The following SOX5 variants were observed in gnomAD, a reference collection of about 807,000 sequenced individuals.
SOX5 encodes the protein transcription factor SOX-5.
In SOX5, 9 loss-of-function variants were observed where a neutral mutation model predicts 92.0. The ratio of observed to expected loss-of-function variants is 0.10; its 90% confidence interval spans 0.06 to 0.17. The LOEUF is 0.17. SOX5 is among the 10% of genes least tolerant of loss of function. SOX5 has a pLI of 1.00. For synonymous variants in SOX5, 344 were observed against 336.3 expected (o/e 1.02, Z -0.25); for missense variants, 642 against 944.5 (o/e 0.68, Z 4.20).
intron 1 of SOX5, among the ~76,000 whole-genome samples, chr12:24,522,518 A>C (rs938007771): frequency 2.0e-5 from 3 of 152,160 alleles, no homozygotes; most frequent in African/African-American, 7.2e-5. Context: ...AGATACAAAA[A>C]TCCTGAGTAA....
At chr12:23,592,441 A>G (rs979081030) in intron 9 of SOX5, among the ~76,000 whole-genome samples, 1 of 152,188 alleles carries the variant, frequency 6.6e-6, no homozygotes, top group Non-Finnish European at 1.5e-5. Context: ...GGATATTGCA[A>G]TTTAAGTCCT....
intron 1 of SOX5, among the ~76,000 whole-genome samples, chr12:23,913,803 C>T (rs963073406): frequency 4.0e-5 from 6 of 151,050 alleles, no homozygotes; most frequent in African/African-American, 1.2e-4. Context: ...CTAATATTTA[C>T]GTAGAACAGA....
chr12:23,985,982 C>A (rs1292824685), intron 4 of SOX5, among the ~76,000 whole-genome samples: 3 of 152,080 alleles, frequency 2.0e-5, no homozygotes, highest in Non-Finnish European at 4.4e-5. Context: ...AACTCTCTGC[C>A]TTCTTCTTTC....
chr12:23,721,179 A>T (rs1246868697), intron 6 of SOX5, among the ~76,000 whole-genome samples: 1 of 152,030 alleles, frequency 6.6e-6, no homozygotes, highest in Middle Eastern at 3.2e-3. Context: ...TCCACCTCCC[A>T]GGTTCAAGCG....
In SOX5 at chr12:24,074,379, G is replaced by GA. The variant is rs544583450; in HGVS notation, c.-2+138963dup. Among the ~76,000 whole-genome samples, 73 of 143,790 alleles carry GA rather than the reference G, an allele frequency of 5.1e-4. 1 individual carries two copies. Among genetic ancestry groups the GA allele is most frequent in the East Asian group, 8.1e-4 (4 of 4,960 alleles). 94.3% of individuals were successfully genotyped at this position (143,790 alleles called of 152,430 possible). A position where few individuals can be genotyped will look rare whatever the true frequency, so the allele number is the denominator to read the frequency against. ...GAATGATTTCATAATCTTAACTCAGGAAAAAAAAAACAGCTACCACCTGCA... is the reference window on the plus strand; with the variant it reads ...GAATGATTTCATAATCTTAACTCAGGAAAAAAAAAAACAGCTACCACCTGCA... On this transcript the variant is annotated intron_variant, in intron 4 of 4. Coordinates refer to the SOX5 transcript ENST00000446891.
At chr12:23,876,582 G>T (rs1475743887) in intron 2 of SOX5, among the ~76,000 whole-genome samples, 1 of 152,106 alleles carries the variant, frequency 6.6e-6, no homozygotes, top group Non-Finnish European at 1.5e-5. Flanking sequence ...ATTCCTCAAG[G>T]ATCTAGAACC....
At chr12:23,601,995 G>A (rs1258742086) in intron 9 of SOX5, among the ~76,000 whole-genome samples, 1 of 152,062 alleles carries the variant, frequency 6.6e-6, no homozygotes, top group Admixed American at 6.6e-5. Context: ...AAACCTTTGT[G>A]TATTTTACAA....
chr12:23,713,840 C>G (rs1029868258), intron 6 of SOX5, among the ~76,000 whole-genome samples: 3 of 150,050 alleles, frequency 2.0e-5, no homozygotes, highest in African/African-American at 7.3e-5. Context: ...CACTGTAATC[C>G]CAGCACTTTG....
chr12:24,388,625 T>G (rs1476438400), intron 1 of SOX5, among the ~76,000 whole-genome samples: 1 of 152,142 alleles, frequency 6.6e-6, no homozygotes. Context: ...GATGTTTATA[T>G]AATACAATTC....
intron 2 of SOX5, among the ~76,000 whole-genome samples, chr12:23,868,321 A>G (rs992068091): frequency 6.6e-6 from 1 of 152,098 alleles, no homozygotes; most frequent in Non-Finnish European, 1.5e-5. Context: ...TTATTTATCT[A>G]ATTTTTCCAC....
chr12:24,535,668 G>A (rs975543115), intron 1 of SOX5, among the ~76,000 whole-genome samples: 4 of 152,184 alleles, frequency 2.6e-5, no homozygotes, highest in Admixed American at 2.6e-4. Flanking sequence ...CGCAGTCACT[G>A]TTGCTAGAGC....
chr12:23,877,769 T>A (rs1159929316), intron 2 of SOX5, among the ~76,000 whole-genome samples: 2 of 152,086 alleles, frequency 1.3e-5, no homozygotes, highest in Admixed American at 6.6e-5. Flanking sequence ...GAAATGTGTA[T>A]TCTTTGGAAC....
At chr12:23,718,228 G>GA (rs1178302870) in intron 6 of SOX5, among the ~76,000 whole-genome samples, 13 of 152,102 alleles carry the variant, frequency 8.5e-5, no homozygotes, top group Admixed American at 1.3e-4. Context: ...TAGATGAAAT[G>GA]AAAAAAATAA....
rs146744785 is a variant in SOX5 at position 23,580,357 on chromosome 12, T to G, written c.1165-4519A>C. ...ATAATTCTGTTACACAATAACCACA[T>G]GAAAGATAATATATGTGCAATAAAA... On this transcript the variant is annotated intron_variant, in intron 9 of 14. Transcript: ENST00000451604. 1.4e-3 allele frequency among the ~76,000 whole-genome samples: 209 copies of G among 152,148 alleles called. 2 individuals carry two copies. The East Asian group carries it at 0.017, about 12-fold the overall frequency.
intron 8 of SOX5, among the ~76,000 whole-genome samples, chr12:23,635,575 T>G (rs1342489893): frequency 6.6e-6 from 1 of 151,892 alleles, no homozygotes; most frequent in Non-Finnish European, 1.5e-5. Context: ...CTAATGTAAA[T>G]GACAAGTTAA....
intron 3 of SOX5, among the ~76,000 whole-genome samples, chr12:23,794,331 T>C (rs943923054): frequency 1.3e-5 from 2 of 152,130 alleles, no homozygotes; most frequent in Admixed American, 1.3e-4. Flanking sequence ...ATTTGGCAAA[T>C]TCTCTTTAGA....
intron 2 of SOX5, among the ~76,000 whole-genome samples, chr12:23,864,554 C>A (rs1165022635): frequency 6.6e-6 from 1 of 152,048 alleles, no homozygotes; most frequent in Non-Finnish European, 1.5e-5. Context: ...TGATAAGAAA[C>A]CAAAACAGCC....
chr12:23,816,843 T>C (rs906295512), intron 3 of SOX5, among the ~76,000 whole-genome samples: 1 of 152,094 alleles, frequency 6.6e-6, no homozygotes, highest in South Asian at 2.1e-4. Flanking sequence ...ATAAAACATA[T>C]AGGATGGCAC....
intron 4 of SOX5, among the ~76,000 whole-genome samples, chr12:23,986,451 A>G (rs1950072050): frequency 6.6e-6 from 1 of 152,214 alleles, no homozygotes. Flanking sequence ...AATCACTGTT[A>G]TTATCAATAT....
Sources: gnomAD v4.1 joint callset for allele counts (sites outside exome capture counted in the v4.1 genomes callset) on GRCh38, gnomAD v4.1.1 for gene constraint, MANE v1.5 for transcripts, NCBI Gene and HGNC (gene_info 2026-07-23, HGNC 2026-07-21) for gene names.